The following SEPTIN6 variants were observed in gnomAD, a reference collection of about 807,000 sequenced individuals.
SEPTIN6 encodes the protein septin 6, also known as septin-6.
Under a neutral mutation model 33.6 loss-of-function variants are expected in SEPTIN6, and 8 were observed. The observed-to-expected ratio is 0.24, with a 90% CI of 0.14 to 0.43. The LOEUF is 0.43. Ranked by LOEUF, SEPTIN6 falls within the 20% of genes least tolerant of loss-of-function variation. The pLI is 1.00. For missense variants in SEPTIN6, 250 were observed against 340.8 expected (o/e 0.73, Z 2.10); for synonymous variants, 131 against 140.0 (o/e 0.94, Z 0.45).
chrX:119,618,126 T>C lies in SEPTIN6; in HGVS notation c.*1967A>G. The C allele has an allele frequency of 2.5e-6, 2 of 790,915 alleles. No homozygotes were observed. Among genetic ancestry groups the C allele is most frequent in the Non-Finnish European group, 3.0e-6 (2 of 661,619 alleles). 65.2% of individuals were successfully genotyped at this position (790,915 alleles called of 1,213,427 possible). ...CCCAAGGAGACCTGACAGGCCTAAC[T>C]CAGCATCTCTCTGAGCTACTGGCTG... On this transcript the variant is annotated 3_prime_UTR_variant, in exon 11 of 11. Transcript: ENST00000394610.
At chrX:119,629,280 A>G in intron 9 of SEPTIN6, 38 bp downstream of exon 9, 1 of 1,183,724 alleles carries the variant, frequency 8.4e-7, no homozygotes, top group Non-Finnish European at 1.1e-6. Flanking sequence ...GAGCAGGAGG[A>G]AAGAGAAGGC....
intron 1 of SEPTIN6, among the ~76,000 whole-genome samples, chrX:119,684,737 C>T (rs1316658760): frequency 9.0e-6 from 1 of 110,966 alleles, no homozygotes; most frequent in Non-Finnish European, 1.9e-5. Flanking sequence ...GTGATCCGCC[C>T]GCCTCAGTCT....
rs758250398 is a variant in SEPTIN6, at chrX:119,681,280, C to T, written c.31-5612G>A. Among the ~76,000 whole-genome samples the T allele has an allele frequency of 2.7e-5, 3 of 111,301 alleles. No individual in the cohort carries two copies. The South Asian group carries it at 1.1e-3, about 42-fold the overall frequency. On this transcript the variant is annotated intron_variant, in intron 1 of 10. Coordinates refer to ENST00000394610, the MANE Select transcript of SEPTIN6 (RefSeq NM_145799.4). ...TAAGGTGGCCTGATTAATTGAGGGCCTGATTACTTTGATTGCAGTTAATTG... is the reference window on the plus strand; with the variant it reads ...TAAGGTGGCCTGATTAATTGAGGGCTTGATTACTTTGATTGCAGTTAATTG...
chrX:119,673,972 G>A (rs1412575049), intron 2 of SEPTIN6, among the ~76,000 whole-genome samples: 6 of 107,427 alleles, frequency 5.6e-5, no homozygotes, highest in Non-Finnish European at 9.6e-5. Context: ...TTCCCCATAC[G>A]CTCTATACAA....
At position 119,617,016 on chromosome X, in the gene SEPTIN6, C is replaced by A; in HGVS notation, c.*3077G>T. 1 of 948,493 alleles carries A rather than the reference C, an allele frequency of 1.1e-6. No individual in the cohort carries two copies. The highest frequency in any genetic ancestry group is 1.3e-6 in the Non-Finnish European group (1 of 759,850). 78.2% of individuals were successfully genotyped at this position (948,493 alleles called of 1,213,427 possible). ...ACATGTGAATGCCAAATGATTAAAA[C>A]AAAAAAACAAAAACAAGAGCCATCT... On this transcript the variant is annotated 3_prime_UTR_variant, in exon 11 of 11. Transcript: ENST00000394610.
In SEPTIN6 at chrX:119,637,047, G is replaced by T; in HGVS notation, c.936C>A (p.Asp312Glu). 8.3e-7 allele frequency: 1 copy of T among 1,211,320 alleles called. No individual in the cohort carries two copies. Among genetic ancestry groups the T allele is most frequent in the South Asian group, 1.8e-5 (1 of 56,948 alleles). The change falls in exon 7 of 11, where the codon GAC becomes GAA. Residue 312 changes from aspartate to glutamate, a missense_variant. Transcript: ENST00000394610. ...GGTACCTGAAGGGTTTGCTGTCAGG[G>T]TCGGTGTCCTTGAAGCCCATCTCCT... ...KLEEMGFKDT[D>E]PDSKPFSLQE...
chrX:119,621,452 T>TGTGTGTGTGTGTGTGC, intron 10 of SEPTIN6, among the ~76,000 whole-genome samples: 1 of 90,854 alleles, frequency 1.1e-5, no homozygotes, highest in Non-Finnish European at 2.2e-5. Flanking sequence ...AGCTGGTGTG[T>TGTGTGTGTGTGTGTGC]GTGTGTGTGT....
At chrX:119,671,046 C>T (rs775450396) in intron 2 of SEPTIN6, among the ~76,000 whole-genome samples, 1 of 111,102 alleles carries the variant, frequency 9.0e-6, no homozygotes, top group East Asian at 2.8e-4. Context: ...GGCCTATGAT[C>T]GGCAGCCCAG....
rs762145748 is a variant in SEPTIN6, at chrX:119,625,329, G to A, written c.*41+6C>T. 8.4e-7 allele frequency: 1 copy of A among 1,192,098 alleles called. No homozygotes were observed. Among genetic ancestry groups the A allele is most frequent in the Non-Finnish European group, 1.1e-6 (1 of 878,000 alleles). On this transcript the variant is annotated splice_donor_region_variant and intron_variant, in intron 10 of 10. Coordinates refer to ENST00000394610, the MANE Select transcript of SEPTIN6 (RefSeq NM_145799.4). ...GCCAGTTCTATTTAGAGTTAATCAA[G>A]CTTACCAGGACCCTGGGTCTCATGC...
Position 119,617,683 on chromosome X carries a change from C to A in SEPTIN6, c.*2410G>T. The A allele has an allele frequency of 3.7e-6, 3 of 804,384 alleles. No individual in the cohort carries two copies. Among genetic ancestry groups the A allele is most frequent in the Non-Finnish European group, 4.5e-6 (3 of 668,870 alleles). The allele number at this position is 804,384 out of a possible 1,213,427, so 66.3% of individuals were successfully genotyped here. A position where few individuals can be genotyped will look rare whatever the true frequency, so the allele number is the denominator to read the frequency against. On this transcript the variant is annotated 3_prime_UTR_variant, in exon 11 of 11. Coordinates refer to ENST00000394610, the MANE Select transcript of SEPTIN6 (RefSeq NM_145799.4). ...AAACAGATTGAATCCCTTTGTGAAA[C>A]TGATTGGGAGTCAGGAGGCATGAAA...
At chrX:119,682,295 C>T (rs1337052914) in intron 1 of SEPTIN6, among the ~76,000 whole-genome samples, 1 of 111,455 alleles carries the variant, frequency 9.0e-6, no homozygotes, top group Non-Finnish European at 1.9e-5. Context: ...AATGTATTCG[C>T]ATGTTACCCA....
At chrX:119,624,872 G>A (rs943193564) in intron 10 of SEPTIN6, among the ~76,000 whole-genome samples, 14 of 110,913 alleles carry the variant, frequency 1.3e-4, no homozygotes, top group Non-Finnish European at 2.3e-4. Flanking sequence ...ACCATGTCCG[G>A]CTAATTTTTT....
At chrX:119,686,563 C>T (rs947330197) in intron 1 of SEPTIN6, 9 of 951,720 alleles carry the variant, frequency 9.5e-6, no homozygotes, top group African/African-American at 8.0e-5. Flanking sequence ...TTCTCACCCT[C>T]CTGAGCATGT....
Position 119,618,223 on chromosome X carries a change from C to CA in SEPTIN6, c.*1869dup. 1.3e-6 allele frequency: 1 copy of CA among 771,491 alleles called. No homozygotes were observed. Among genetic ancestry groups the CA allele is most frequent in the Non-Finnish European group, 1.5e-6 (1 of 655,457 alleles). The allele number at this position is 771,491 out of a possible 1,213,427, so 63.6% of individuals were successfully genotyped here. A position where few individuals can be genotyped will look rare whatever the true frequency, so the allele number is the denominator to read the frequency against. ...TTTCTACCTCCAAGCATATGGTCTTCAAAAAAATACTCCACTGTAACTTGA... is the reference window on the plus strand; with the variant it reads ...TTTCTACCTCCAAGCATATGGTCTTCAAAAAAAATACTCCACTGTAACTTGA... On this transcript the variant is annotated 3_prime_UTR_variant, in exon 11 of 11. Transcript: ENST00000394610.
chrX:119,618,448 C>T lies in SEPTIN6; in HGVS notation c.*1645G>A. ...GATCTATAATTGAAGTGAGAAATCCCCTTCCCCTTCTCAATACTTCAAAAA... is the reference window on the plus strand; with the variant it reads ...GATCTATAATTGAAGTGAGAAATCCTCTTCCCCTTCTCAATACTTCAAAAA... On this transcript the variant is annotated 3_prime_UTR_variant, in exon 11 of 11. Coordinates refer to ENST00000394610, the MANE Select transcript of SEPTIN6 (RefSeq NM_145799.4). 1.1e-6 allele frequency: 1 copy of T among 886,634 alleles called. No individual in the cohort carries two copies. Among genetic ancestry groups the T allele is most frequent in the Non-Finnish European group, 1.4e-6 (1 of 723,259 alleles). 73.1% of individuals were successfully genotyped at this position (886,634 alleles called of 1,213,427 possible). A position where few individuals can be genotyped will look rare whatever the true frequency, so the allele number is the denominator to read the frequency against.
rs753346145 is a variant in SEPTIN6, at chrX:119,637,214, G to A, written c.788-19C>T. The A allele has an allele frequency of 8.3e-7, 1 of 1,199,020 alleles. No homozygotes were observed. The highest frequency in any genetic ancestry group is 1.8e-5 in the South Asian group (1 of 56,101). On this transcript the variant is annotated intron_variant, in intron 6 of 10. Transcript: ENST00000394610. The stretch of plus-strand genomic sequence containing the variant: ...TTTTCAACTGCATAGCAGGATTTGG[G>A]GTATTGAAAGTATGTTGAAAGGAAG...
intron 3 of SEPTIN6, among the ~76,000 whole-genome samples, chrX:119,659,236 C>T (rs1476272212): frequency 9.0e-6 from 1 of 111,682 alleles, no homozygotes; most frequent in Non-Finnish European, 1.9e-5. Context: ...CATTCTTCCC[C>T]TGCTGACTTA....
intron 5 of SEPTIN6, among the ~76,000 whole-genome samples, chrX:119,646,392 CTCAG>C (rs1232891132): frequency 1.8e-5 from 2 of 111,947 alleles, no homozygotes; most frequent in Admixed American, 1.9e-4. Context: ...ATTAATGGAG[CTCAG>C]TCAATTAAGT....
chrX:119,619,659 T>A lies in SEPTIN6; in HGVS notation c.*434A>T, dbSNP rs2053715372. ...GAGACCAAGGGGACAGCTGTGCTGA[T>A]CGGTGGTTACCCAGCCATGGTGGTT... is the stretch of plus-strand genomic sequence containing the variant. On this transcript the variant is annotated 3_prime_UTR_variant, in exon 11 of 11. Coordinates refer to ENST00000394610, the MANE Select transcript of SEPTIN6 (RefSeq NM_145799.4). 2.3e-6 allele frequency: 2 copies of A among 885,108 alleles called. No individual in the cohort carries two copies. Among genetic ancestry groups the A allele is most frequent in the Admixed American group, 1.2e-4 (2 of 16,404 alleles). 72.9% of individuals were successfully genotyped at this position (885,108 alleles called of 1,213,427 possible). A position where few individuals can be genotyped will look rare whatever the true frequency, so the allele number is the denominator to read the frequency against.
Sources: gnomAD v4.1 joint callset for allele counts (sites outside exome capture counted in the v4.1 genomes callset) on GRCh38, gnomAD v4.1.1 for gene constraint, MANE v1.5 for transcripts, NCBI Gene and HGNC (gene_info 2026-07-23, HGNC 2026-07-21) for gene names.